The following PRKD3 variants were observed in gnomAD, a reference collection of about 807,000 sequenced individuals.
PRKD3 encodes protein kinase D3.
PRKD3 carries 47 observed loss-of-function variants against 99.2 expected under a neutral mutation model. The observed-to-expected ratio is 0.47, with a 90% confidence interval of 0.38 to 0.60. The LOEUF (loss-of-function observed/expected upper bound fraction) is 0.60, where lower values mean the gene tolerates loss of function less well. Among genes scored for constraint, PRKD3 ranks in the 20% least tolerant of loss-of-function variants. PRKD3 has a pLI of 0.00. For synonymous variants in PRKD3, 392 were observed against 355.4 expected, an observed-to-expected ratio of 1.10 and a Z score of -1.16; for missense variants, 1,019 against 1,088.4, an observed-to-expected ratio of 0.94 and a Z score of 0.90.
chr2:37,301,579 A>C (rs1333558225), intron 2 of PRKD3, among the ~76,000 whole-genome samples: 2 of 152,024 alleles, frequency 1.3e-5, no homozygotes, highest in Non-Finnish European at 2.9e-5. Flanking sequence ...GATTATAGGC[A>C]CGAGTCACCT....
chr2:37,299,511 TAC>T (rs70949749), intron 2 of PRKD3, among the ~76,000 whole-genome samples: 15,389 of 131,918 alleles, frequency 0.12, 785 homozygotes, highest in Middle Eastern at 0.15. Context: ...TCTACTAAAA[TAC>T]ACACACACAC....
At chr2:37,266,392 C>G (rs1668841369) in intron 14 of PRKD3, among the ~76,000 whole-genome samples, 4 of 152,130 alleles carry the variant, frequency 2.6e-5, no homozygotes, top group Admixed American at 2.6e-4. Flanking sequence ...ATGGCATGAT[C>G]TCAGCTCACT....
intron 3 of PRKD3, among the ~76,000 whole-genome samples, chr2:37,292,692 C>T (rs533975539): frequency 5.3e-5 from 8 of 151,582 alleles, no homozygotes; most frequent in Admixed American, 1.3e-4. Flanking sequence ...GTTGTCCAGG[C>T]GGAAGTGCAG....
rs144346984 is a variant in PRKD3 at position 37,273,165 on chromosome 2, A to G, written c.1652-733T>C. On this transcript the variant is annotated intron_variant, in intron 11 of 18. Transcript: ENST00000234179. The stretch of plus-strand genomic sequence containing the variant: ...TATAATGTTGTTTTTTGGTACTTTA[A>G]TACATTTATTGCCTGAAATAAATCA... Among the ~76,000 whole-genome samples the G allele has an allele frequency of 2.3e-3, 351 of 152,240 alleles. 1 individual carries two copies. The highest frequency in any genetic ancestry group is 7.8e-3 in the African/African-American group (322 of 41,530).
In PRKD3 at chr2:37,304,135, A is replaced by C. The variant is rs148095640; in HGVS notation, c.289-10864T>G. On this transcript the variant is annotated intron_variant, in intron 2 of 18. Transcript: ENST00000234179. The stretch of plus-strand genomic sequence containing the variant: ...AGTAAACAAGCTCCATGAGGAAAAG[A>C]ATATTCTCTTTTCATGTTCCTCCTG... Among the ~76,000 whole-genome samples, 426 of 152,032 alleles carry C rather than the reference A, an allele frequency of 2.8e-3. 2 individuals are homozygous for C. Among genetic ancestry groups the C allele is most frequent in the Non-Finnish European group, 5.0e-3 (339 of 67,986 alleles).
chr2:37,280,278 C>T (rs1669796409), intron 7 of PRKD3, among the ~76,000 whole-genome samples: 1 of 152,064 alleles, frequency 6.6e-6, no homozygotes, highest in Admixed American at 6.6e-5. Context: ...CTCCTGACCT[C>T]AGGGGATCCA....
chr2:37,320,953 A>C (rs1671861624), intron 1 of PRKD3, among the ~76,000 whole-genome samples: 1 of 152,116 alleles, frequency 6.6e-6, no homozygotes, highest in Non-Finnish European at 1.5e-5. Flanking sequence ...CACTCTTTCC[A>C]TTTTCCCTCT....
At position 37,271,147 on chromosome 2, in the gene PRKD3, C is replaced by T. The variant is rs141069017; in HGVS notation, c.1704+1233G>A. 2.3e-3 allele frequency among the ~76,000 whole-genome samples: 355 copies of T among 152,196 alleles called. 1 individual carries two copies. The highest frequency in any genetic ancestry group is 7.8e-3 in the African/African-American group (325 of 41,534). On this transcript the variant is annotated intron_variant, in intron 12 of 18. Coordinates refer to ENST00000234179, the MANE Select transcript of PRKD3 (RefSeq NM_005813.6). ...GTTAGAGAACTATAACAGCTAAGTGCCCCAAGTAGAAAAATAGAGATTTTA... is the reference window on the plus strand; with the variant it reads ...GTTAGAGAACTATAACAGCTAAGTGTCCCAAGTAGAAAAATAGAGATTTTA...
chr2:37,316,781 T>C lies in PRKD3; in HGVS notation c.-257A>G. The C allele has an allele frequency of 7.6e-7, 1 of 1,318,500 alleles. No homozygotes were observed. Among genetic ancestry groups the C allele is most frequent in the East Asian group, 3.3e-5 (1 of 30,396 alleles). The allele number at this position is 1,318,500 out of a possible 1,614,324, so 81.7% of individuals were successfully genotyped here. A position where few individuals can be genotyped will look rare whatever the true frequency, so the allele number is the denominator to read the frequency against. On this transcript the variant is annotated 5_prime_UTR_variant, in exon 2 of 19. Transcript: ENST00000234179. ...CTGTAGGAAGACAACCAGGGATTTGTAAAGGATTTAACATCACTGAGCTAT... is the reference window on the plus strand; with the variant it reads ...CTGTAGGAAGACAACCAGGGATTTGCAAAGGATTTAACATCACTGAGCTAT...
chr2:37,324,370 T>A (rs1672023494), intron 1 of PRKD3: 6 of 273,820 alleles, frequency 2.2e-5, no homozygotes, highest in Non-Finnish European at 3.3e-5. Flanking sequence ...GAACCCAAGT[T>A]GCCCTCCGCG....
chr2:37,310,152 T>G (rs566750379), intron 2 of PRKD3, among the ~76,000 whole-genome samples: 1,918 of 148,042 alleles, frequency 0.013, 45 homozygotes, highest in African/African-American at 0.045. Flanking sequence ...TAACATAAAC[T>G]TAATTGATAG....
intron 14 of PRKD3, among the ~76,000 whole-genome samples, chr2:37,265,829 T>C (rs181832632): frequency 3.3e-5 from 5 of 152,328 alleles, no homozygotes; most frequent in Admixed American, 1.3e-4. Context: ...ATGAAGTTTT[T>C]CATACTGTGC....
Position 37,256,667 on chromosome 2 carries a change from C to A in PRKD3, c.2408G>T (p.Gly803Val). The A allele has an allele frequency of 6.6e-6, 6 of 907,596 alleles. No homozygotes were observed. The highest frequency in any genetic ancestry group is 5.8e-5 in the South Asian group (3 of 51,652). The allele number at this position is 907,596 out of a possible 1,614,324, so 56.2% of individuals were successfully genotyped here. Reference protein sequence around the residue: ...YPPNPWREISGEAIDLINNLL... With the variant: ...YPPNPWREISVEAIDLINNLL... ...TTTTTTTTTTTTTTTTTTACCTTCA[C>A]CAGAAATTTCTCTCCATGGATTTGG... Residue 803 changes from glycine (G) to valine (V), a missense_variant, in exon 17 of 19, where the codon GGT becomes GTT. Around this residue, in one of 3 missense-constraint regions of PRKD3, gnomAD observed 125 missense variants for 120.6 expected, o/e 1.04. Transcript: ENST00000234179.
At position 37,251,616 on chromosome 2, in the gene PRKD3, C is replaced by CT. The variant is rs919742276; in HGVS notation, c.*1560dup. On this transcript the variant is annotated 3_prime_UTR_variant, in exon 19 of 19. Transcript: ENST00000234179. ...CAGTCTGTTCATGTACCAGAACATTCTTTTTTTTTTTTGCTACCTCAAATT... is the reference window on the plus strand; with the variant it reads ...CAGTCTGTTCATGTACCAGAACATTCTTTTTTTTTTTTTGCTACCTCAAATT... 3.4e-3 allele frequency: 497 copies of CT among 144,326 alleles called. 6 individuals carry two copies. The East Asian group carries it at 0.065, about 19-fold the overall frequency. The allele number at this position is 144,326 out of a possible 1,614,324, so 8.9% of individuals were successfully genotyped here.
At chr2:37,297,914 T>G (rs1670744587) in intron 2 of PRKD3, among the ~76,000 whole-genome samples, 1 of 152,154 alleles carries the variant, frequency 6.6e-6, no homozygotes. Context: ...ATACATACTC[T>G]TTGGAAGTAA....
In PRKD3 at chr2:37,320,602, T is replaced by C. The variant is rs140691732; in HGVS notation, c.-655-3423A>G. On this transcript the variant is annotated intron_variant, in intron 1 of 18. Transcript: ENST00000234179. ...GCACATCACCATACCTGGCTCATTT[T>C]TGGATTTTTAGTAGAGACGGGGTTT... 4.4e-3 allele frequency among the ~76,000 whole-genome samples: 663 copies of C among 151,986 alleles called. 8 individuals carry two copies. The highest frequency in any genetic ancestry group is 0.015 in the African/African-American group (628 of 41,442).
chr2:37,256,625 A>C (rs1667962656), intron 17 of PRKD3, 37 bp downstream of exon 17: 2 of 1,339,278 alleles, frequency 1.5e-6, no homozygotes, highest in African/African-American at 2.4e-5. Flanking sequence ...ACACATAGCC[A>C]AAATTTTTTT....
At chr2:37,286,962 G>A (rs1009194747) in intron 5 of PRKD3, among the ~76,000 whole-genome samples, 1 of 152,004 alleles carries the variant, frequency 6.6e-6, no homozygotes, top group Non-Finnish European at 1.5e-5. Context: ...CAGGCGTGGT[G>A]GCTCACGCCT....
At chr2:37,292,682 G>A (rs941358717) in intron 3 of PRKD3, among the ~76,000 whole-genome samples, 2 of 151,762 alleles carry the variant, frequency 1.3e-5, no homozygotes, top group African/African-American at 4.8e-5. Flanking sequence ...GTCTCGCTCT[G>A]TTGTCCAGGC....
Sources: gnomAD v4.1 joint callset for allele counts (sites outside exome capture counted in the v4.1 genomes callset) on GRCh38, gnomAD v4.1.1 for gene constraint, gnomAD v4.1.1 regional missense constraint, MANE v1.5 for transcripts, NCBI Gene and HGNC (gene_info 2026-07-23, HGNC 2026-07-21) for gene names.